Variants in MYBL1 observed in about 807,000 individuals in gnomAD.
MYBL1 encodes the protein MYB proto-oncogene like 1.
MYBL1 carries 17 observed loss-of-function variants against 96.3 expected under a neutral mutation model. That is an observed-to-expected ratio of 0.18 (90% confidence interval 0.12 to 0.26). The LOEUF (loss-of-function observed/expected upper bound fraction) is 0.26. MYBL1 is among the 10% of genes least tolerant of loss of function. The pLI, the probability that MYBL1 is intolerant of heterozygous loss-of-function variation, is 1.00. For missense variants in MYBL1, 701 were observed against 882.9 expected, an observed-to-expected ratio of 0.79 and a Z score of 2.61; for synonymous variants, 282 against 292.7, an observed-to-expected ratio of 0.96 and a Z score of 0.37.
intron 4 of MYBL1, among the ~76,000 whole-genome samples, chr8:66,598,330 AAGATGGGC>A (rs1809931756): frequency 6.6e-6 from 1 of 152,206 alleles, no homozygotes; most frequent in Non-Finnish European, 1.5e-5. Context: ...TTGAGTGGCC[AAGATGGGC>A]AGATTGCTTG....
intron 1 of MYBL1, among the ~76,000 whole-genome samples, chr8:66,611,164 TTTTAA>T (rs1319207373): frequency 6.6e-6 from 1 of 152,188 alleles, no homozygotes; most frequent in Non-Finnish European, 1.5e-5. Flanking sequence ...CTAGCCATAA[TTTTAA>T]TTTAACTAAA....
intron 7 of MYBL1, 78 bp downstream of exon 7, chr8:66,593,042 G>A: frequency 1.2e-6 from 1 of 859,398 alleles, no homozygotes. Flanking sequence ...TTTAATAGAT[G>A]AGGAAATAGA....
intron 1 of MYBL1, among the ~76,000 whole-genome samples, chr8:66,604,052 T>C (rs569868138): frequency 6.7e-6 from 1 of 150,202 alleles, no homozygotes; most frequent in South Asian, 2.1e-4. Flanking sequence ...AAATACACTG[T>C]AGAGAAATAA....
intron 15 of MYBL1, chr8:66,565,373 TTACATGGATTAAGAGAATGTGC>T (rs1456426475): frequency 3.3e-5 from 5 of 152,320 alleles, no homozygotes; most frequent in Non-Finnish European, 7.3e-5. Context: ...TCAAATCATT[TTACATGGATTAAGAGAATGTGC>T]TACATGGCTC....
rs754388477 is a variant in MYBL1, at chr8:66,576,056, A to G, written c.1421T>C (p.Met474Thr). 5.6e-6 allele frequency: 9 copies of G among 1,613,832 alleles called. No individual in the cohort carries two copies. Among genetic ancestry groups the G allele is most frequent in the Non-Finnish European group, 7.6e-6 (9 of 1,179,874 alleles). ...TTTCAGTGGTGTATGTTTTAGCGCC[A>G]TATTACCACCATCGTTCAATGAGCC... Reference protein sequence around the residue: ...RDGSLNDGGNMALKHTPLKTL... With the variant: ...RDGSLNDGGNTALKHTPLKTL... Residue 474 changes from methionine (M) to threonine (T), a missense_variant, in exon 10 of 16, where the codon ATG becomes ACG. Coordinates refer to ENST00000522677, the MANE Select transcript of MYBL1 (RefSeq NM_001080416.4).
At chr8:66,601,646 C>A in intron 3 of MYBL1, 52 bp downstream of exon 3, 1 of 1,025,504 alleles carries the variant, frequency 9.8e-7, no homozygotes, top group Non-Finnish European at 1.4e-6. Flanking sequence ...GCAAATTTAA[C>A]CCAATGCCTT....
intron 1 of MYBL1, among the ~76,000 whole-genome samples, chr8:66,609,157 G>A (rs937975323): frequency 1.4e-4 from 22 of 152,048 alleles, no homozygotes; most frequent in Non-Finnish European, 3.1e-4. Context: ...TGATAGTCAT[G>A]ACTTTGTCCG....
At chr8:66,585,673 T>C (rs1176218758) in intron 8 of MYBL1, among the ~76,000 whole-genome samples, 3 of 151,926 alleles carry the variant, frequency 2.0e-5, no homozygotes, top group African/African-American at 4.8e-5. Flanking sequence ...AAGGCGGAGG[T>C]TGCAGTGAAC....
At chr8:66,572,667 A>AT in intron 11 of MYBL1, 71 bp from the exon 12 acceptor site, 8 of 690,366 alleles carry the variant, frequency 1.2e-5, no homozygotes. Flanking sequence ...AAGCAAAGCA[A>AT]TTTAAGCACA....
chr8:66,583,917 C>T (rs1809312273), intron 8 of MYBL1, among the ~76,000 whole-genome samples: 1 of 152,156 alleles, frequency 6.6e-6, no homozygotes, highest in Admixed American at 6.5e-5. Context: ...TTCCAATTCT[C>T]TCAGAAAACT....
At chr8:66,596,979 G>A (rs1809877018) in intron 5 of MYBL1, among the ~76,000 whole-genome samples, 1 of 152,126 alleles carries the variant, frequency 6.6e-6, no homozygotes, top group Non-Finnish European at 1.5e-5. Context: ...CAATATGAAA[G>A]AAATCTTAGA....
Position 66,595,772 on chromosome 8 carries a change from G to A in MYBL1, c.513-15C>T, listed in dbSNP as rs1292780153. The A allele has an allele frequency of 1.4e-6, 2 of 1,467,438 alleles. No homozygotes were observed. The highest frequency in any genetic ancestry group is 1.4e-5 in the South Asian group (1 of 72,732). 90.9% of individuals were successfully genotyped at this position (1,467,438 alleles called of 1,614,324 possible). ...AATTATCAGTCCTAAGAAAGGAAAG[G>A]TATGATTTAAAAAGAAAAAAGGATT... On this transcript the variant is annotated splice_polypyrimidine_tract_variant and intron_variant, in intron 5 of 15. Coordinates refer to ENST00000522677, the MANE Select transcript of MYBL1 (RefSeq NM_001080416.4).
chr8:66,594,567 A>G (rs1809778901), intron 6 of MYBL1, among the ~76,000 whole-genome samples: 1 of 152,190 alleles, frequency 6.6e-6, no homozygotes. Context: ...ACGAGTTAAA[A>G]AAATAAATTT....
intron 3 of MYBL1, among the ~76,000 whole-genome samples, chr8:66,600,498 C>T (rs1007249817): frequency 4.6e-5 from 7 of 152,176 alleles, no homozygotes; most frequent in African/African-American, 1.4e-4. Flanking sequence ...ACTTTTCTAA[C>T]CTAGCTTCCA....
chr8:66,583,538 T>G (rs1225659175), intron 8 of MYBL1, among the ~76,000 whole-genome samples: 2 of 151,922 alleles, frequency 1.3e-5, no homozygotes, highest in African/African-American at 4.8e-5. Flanking sequence ...GAAGTTGACT[T>G]TTTAAAGAAA....
At chr8:66,603,493 T>C (rs1045758844) in intron 1 of MYBL1, among the ~76,000 whole-genome samples, 3 of 151,962 alleles carry the variant, frequency 2.0e-5, no homozygotes, top group Admixed American at 6.6e-5. Context: ...TCTGACTTTT[T>C]TTTTTTTTTC....
chr8:66,586,026 G>C (rs1586575586), intron 8 of MYBL1, among the ~76,000 whole-genome samples: 1 of 150,222 alleles, frequency 6.7e-6, no homozygotes, highest in Admixed American at 6.6e-5. Context: ...ATCTGGTTTG[G>C]GTTTTGTTTT....
intron 1 of MYBL1, among the ~76,000 whole-genome samples, chr8:66,608,107 C>T (rs73250238): frequency 0.08 from 12,164 of 152,126 alleles, 975 homozygotes; most frequent in African/African-American, 0.2. Flanking sequence ...GATATGAGTA[C>T]AAAAACATTA....
In MYBL1 at chr8:66,566,104, G is replaced by T; in HGVS notation, c.2090C>A (p.Pro697His). The T allele has an allele frequency of 6.5e-7, 1 of 1,541,886 alleles. No individual in the cohort carries two copies. Residue 697 changes from proline to histidine, a missense_variant, in exon 15 of 16, where the codon CCT becomes CAT. Pro to His is a moderately conservative substitution (Grantham distance 77, BLOSUM62 -2). Coordinates refer to ENST00000522677, the MANE Select transcript of MYBL1 (RefSeq NM_001080416.4). Reference sequence around the variant, plus strand: ...CAATTTGACAACTTTGGAAGTGTTAGGGTTTGGTTTCTTTTTAGTAAGTGT... The same window carrying T: ...CAATTTGACAACTTTGGAAGTGTTATGGTTTGGTTTCTTTTTAGTAAGTGT... ...TYTLTKKKPN[P>H]NTSKVVKLEK...
Sources: allele counts gnomAD v4.1 joint callset (sites outside exome capture counted in the v4.1 genomes callset), GRCh38; gene constraint gnomAD v4.1.1; transcripts MANE v1.5; gene names NCBI Gene and HGNC (gene_info 2026-07-23, HGNC 2026-07-21).